DIAPH3: variants seen among roughly 807,000 people sequenced by gnomAD.
The protein encoded by DIAPH3 is protein diaphanous homolog 3.
Under a neutral mutation model 144.3 loss-of-function variants are expected in DIAPH3, and 117 were observed. The observed-to-expected ratio is 0.81, with a 90% confidence interval of 0.70 to 0.95. The LOEUF (loss-of-function observed/expected upper bound fraction) is 0.95, where lower values mean the gene tolerates loss of function less well. Ranked by LOEUF, DIAPH3 falls within the 40% of genes least tolerant of loss-of-function variation. DIAPH3 has a pLI of 0.00. For missense variants in DIAPH3, 1,421 were observed against 1,412.7 expected, an observed-to-expected ratio of 1.01 and a Z score of -0.09; for synonymous variants, 519 against 488.9, an observed-to-expected ratio of 1.06 and a Z score of -0.81.
chr13:59,936,111 AT>A (rs976467862), intron 17 of DIAPH3, among the ~76,000 whole-genome samples: 1 of 151,970 alleles, frequency 6.6e-6, no homozygotes, highest in Non-Finnish European at 1.5e-5. Flanking sequence ...GTATATCTAG[AT>A]TTTTTTTAGC....
chr13:59,752,485 A>G (rs1342957109), intron 27 of DIAPH3, among the ~76,000 whole-genome samples: 6 of 151,212 alleles, frequency 4.0e-5, no homozygotes, highest in African/African-American at 1.5e-4. Flanking sequence ...CTCCCATCTC[A>G]GCCTTTCCAG....
At chr13:60,117,615 G>T (rs2138114172) in intron 2 of DIAPH3, among the ~76,000 whole-genome samples, 1 of 152,130 alleles carries the variant, frequency 6.6e-6, no homozygotes, top group South Asian at 2.1e-4. Context: ...CATTTTACAT[G>T]TTATAAAAGA....
At chr13:59,778,199 G>A (rs947050789) in intron 25 of DIAPH3, among the ~76,000 whole-genome samples, 1 of 152,070 alleles carries the variant, frequency 6.6e-6, no homozygotes, top group South Asian at 2.1e-4. Flanking sequence ...CCTTCAAAAC[G>A]GAGAACTGAG....
chr13:60,124,377 C>A (rs569476229), intron 2 of DIAPH3, among the ~76,000 whole-genome samples: 10 of 152,128 alleles, frequency 6.6e-5, no homozygotes, highest in Non-Finnish European at 1.2e-4. Flanking sequence ...AGAAATTTTT[C>A]CATGTCCTTT....
intron 22 of DIAPH3, among the ~76,000 whole-genome samples, chr13:59,853,117 T>C (rs559142288): frequency 4.6e-5 from 7 of 152,320 alleles, no homozygotes; most frequent in East Asian, 1.9e-4. Context: ...TCTAAGATTA[T>C]ACCTATAACA....
intron 17 of DIAPH3, among the ~76,000 whole-genome samples, chr13:59,953,806 T>C (rs2049230394): frequency 6.6e-6 from 1 of 152,152 alleles, no homozygotes; most frequent in Non-Finnish European, 1.5e-5. Flanking sequence ...AAGTATATGA[T>C]AAATGGGATA....
Position 60,153,211 on chromosome 13 carries a change from T to C in DIAPH3, c.180+10376A>G, listed in dbSNP as rs866390288. 2.6e-5 allele frequency among the ~76,000 whole-genome samples: 4 copies of C among 152,214 alleles called. 1 individual carries two copies. Among genetic ancestry groups the C allele is most frequent in the Middle Eastern group, 3.4e-3 (1 of 294 alleles). On this transcript the variant is annotated intron_variant, in intron 1 of 27. Transcript: ENST00000400324. Reference sequence around the variant, plus strand: ...GGAAGAGTTCAGTTCCAAATGGCTATTTATAATTCCAAAATCACATTATTC... The same window carrying C: ...GGAAGAGTTCAGTTCCAAATGGCTACTTATAATTCCAAAATCACATTATTC...
At position 59,845,959 on chromosome 13, in the gene DIAPH3, G is replaced by A. The variant is rs184548252; in HGVS notation, c.2738-6511C>T. 3.3e-5 allele frequency among the ~76,000 whole-genome samples: 5 copies of A among 152,084 alleles called. No individual in the cohort carries two copies. The East Asian group carries it at 5.8e-4, about 18-fold the overall frequency. ...GGGTTTTGGATTTAACTTTAACCTC[G>A]CCAGATAAGAGCGTTAAAAATGAAA... On this transcript the variant is annotated intron_variant, in intron 22 of 27. Transcript: ENST00000400324.
At chr13:60,130,306 C>T (rs567804317) in intron 2 of DIAPH3, among the ~76,000 whole-genome samples, 1 of 152,314 alleles carries the variant, frequency 6.6e-6, no homozygotes, top group East Asian at 1.9e-4. Flanking sequence ...CTGCCTGATC[C>T]TTCCCTGGAC....
At position 60,112,133 on chromosome 13, in the gene DIAPH3, T is replaced by C. The variant is rs981787777; in HGVS notation, c.267A>G (p.Pro89=). 1.9e-6 allele frequency: 3 copies of C among 1,614,130 alleles called. No homozygotes were observed. The highest frequency in any genetic ancestry group is 1.1e-5 in the South Asian group (1 of 91,082). The stretch of plus-strand genomic sequence containing the variant: ...CAAATGCAGTCTTCAGGTTGGGAAG[T>C]GGAGGTCTCTCTTTCTTGCTCCCTG... ...RIPGSKKERP[P]LPNLKTAFAS... Residue 89 remains proline, a synonymous_variant, in exon 3 of 28, where the codon CCA becomes CCG. Coordinates refer to ENST00000400324, the MANE Select transcript of DIAPH3 (RefSeq NM_001042517.2).
intron 24 of DIAPH3, among the ~76,000 whole-genome samples, chr13:59,812,508 TAATA>T (rs1484207559): frequency 6.6e-6 from 1 of 152,052 alleles, no homozygotes; most frequent in Non-Finnish European, 1.5e-5. Context: ...CAGAGATAAA[TAATA>T]AATAACAACA....
At chr13:59,717,173 C>G (rs1398665045) in intron 27 of DIAPH3, among the ~76,000 whole-genome samples, 3 of 152,010 alleles carry the variant, frequency 2.0e-5, no homozygotes, top group East Asian at 3.9e-4. Flanking sequence ...GTTAACGAAA[C>G]CTTAGAACTA....
intron 22 of DIAPH3, among the ~76,000 whole-genome samples, chr13:59,843,822 A>C (rs1238810963): frequency 6.6e-6 from 1 of 152,216 alleles, no homozygotes; most frequent in East Asian, 1.9e-4. Context: ...GGCTAAGAAA[A>C]TGTATGCCAT....
rs528095447 is a variant in DIAPH3 at position 60,006,684 on chromosome 13, T to C, written c.1014+1860A>G. Among the ~76,000 whole-genome samples the C allele has an allele frequency of 2.0e-5, 3 of 151,482 alleles. No homozygotes were observed. In the East Asian group the frequency reaches 5.8e-4, roughly 29 times the overall value. On this transcript the variant is annotated intron_variant, in intron 9 of 27. Coordinates refer to ENST00000400324, the MANE Select transcript of DIAPH3 (RefSeq NM_001042517.2). The stretch of plus-strand genomic sequence containing the variant: ...GGGAAGGGGGAGCTCAGAGATGAGG[T>C]GGGAGAGAAGAGACAAGAAAGCAAG...
rs747376841 is a variant in DIAPH3, at chr13:59,666,647, A to G, written c.3519T>C (p.Ser1173=). ...CGGGAACTGATTCATTTTTAGAAAA[A>G]GAGCCAAGAAGTTCCGTTTCCTTTT... ...NRKKETELLG[S]FSKNESVPEV... Residue 1173 remains serine, a synonymous_variant, in exon 28 of 28, where the codon TCT becomes TCC. Transcript: ENST00000400324. 6.2e-7 allele frequency: 1 copy of G among 1,614,156 alleles called. No individual in the cohort carries two copies. Among genetic ancestry groups the G allele is most frequent in the Non-Finnish European group, 8.5e-7 (1 of 1,180,000 alleles).
At chr13:60,004,709 C>T (rs539032860) in intron 9 of DIAPH3, among the ~76,000 whole-genome samples, 6 of 152,228 alleles carry the variant, frequency 3.9e-5, no homozygotes, top group Admixed American at 2.6e-4. Flanking sequence ...TCTTTCACTT[C>T]TTAAAAATTA....
chr13:60,084,820 A>G (rs2057695165), intron 4 of DIAPH3, among the ~76,000 whole-genome samples: 1 of 152,066 alleles, frequency 6.6e-6, no homozygotes, highest in East Asian at 1.9e-4. Flanking sequence ...TATACCAACC[A>G]TATTTATTGT....
intron 4 of DIAPH3, among the ~76,000 whole-genome samples, chr13:60,064,268 A>G (rs552393612): frequency 6.6e-6 from 1 of 152,150 alleles, no homozygotes; most frequent in East Asian, 1.9e-4. Context: ...AGCATTAAAG[A>G]AAGACATTGA....
chr13:59,670,293 GA>G (rs146825225), intron 27 of DIAPH3, among the ~76,000 whole-genome samples: 4,703 of 152,196 alleles, frequency 0.031, 265 homozygotes, highest in African/African-American at 0.11. Flanking sequence ...AAATAAAAAA[GA>G]AAAGTGCACA....
Sources: gnomAD v4.1 joint callset for allele counts (sites outside exome capture counted in the v4.1 genomes callset) on GRCh38, gnomAD v4.1.1 for gene constraint, MANE v1.5 for transcripts, NCBI Gene and HGNC (gene_info 2026-07-23, HGNC 2026-07-21) for gene names.